Variants in TET1 observed in about 807,000 individuals in gnomAD.
TET1 encodes tet methylcytosine dioxygenase 1.
In TET1, 13 loss-of-function variants were observed where a neutral mutation model predicts 148.7. The observed-to-expected ratio is 0.09, with a 90% CI of 0.06 to 0.14. The LOEUF (loss-of-function observed/expected upper bound fraction) is 0.14, where lower values mean the gene tolerates loss of function less well. Ranked by LOEUF, TET1 falls within the 10% of genes least tolerant of loss-of-function variation. The pLI, the probability that TET1 is intolerant of heterozygous loss-of-function variation, is 1.00. For missense variants in TET1, 2,182 were observed against 2,553.8 expected, an observed-to-expected ratio of 0.85 and a Z score of 3.14; for synonymous variants, 907 against 937.2, an observed-to-expected ratio of 0.97 and a Z score of 0.59.
intron 3 of TET1, among the ~76,000 whole-genome samples, chr10:68,619,373 A>T (rs1339087428): frequency 6.6e-6 from 1 of 152,046 alleles, no homozygotes; most frequent in Non-Finnish European, 1.5e-5. Context: ...GGGAACACAC[A>T]TGCTCACCAC....
At chr10:68,615,743 C>G (rs1340012789) in intron 3 of TET1, among the ~76,000 whole-genome samples, 1 of 152,160 alleles carries the variant, frequency 6.6e-6, no homozygotes, top group African/African-American at 2.4e-5. Context: ...ACCGTAACCT[C>G]TGTCTCCCAG....
At chr10:68,624,099 C>CTTTCTTTTTTTTTTTT (rs1554937832) in intron 3 of TET1, among the ~76,000 whole-genome samples, 1 of 148,032 alleles carries the variant, frequency 6.8e-6, no homozygotes, top group African/African-American at 2.5e-5. Flanking sequence ...TTCTTTCTTT[C>CTTTCTTTTTTTTTTTT]TTTTCTTTTT....
intron 9 of TET1, among the ~76,000 whole-genome samples, chr10:68,681,822 C>G (rs2055437750): frequency 6.6e-6 from 1 of 151,830 alleles, no homozygotes. Flanking sequence ...CAAAAATTAG[C>G]TGGGTGTGGT....
At chr10:68,642,687 C>T (rs750404659) in intron 3 of TET1, among the ~76,000 whole-genome samples, 3 of 152,116 alleles carry the variant, frequency 2.0e-5, no homozygotes, top group Non-Finnish European at 2.9e-5. Context: ...TCACTGCAAC[C>T]TCTGCCTCCC....
At chr10:68,624,602 C>CTCTCTTTCTTTCTT (rs2054426665) in intron 3 of TET1, among the ~76,000 whole-genome samples, 2 of 113,952 alleles carry the variant, frequency 1.8e-5, no homozygotes, top group African/African-American at 6.6e-5. Flanking sequence ...TTTTCTTTTT[C>CTCTCTTTCTTTCTT]TCTTTCTTTC....
In TET1 at chr10:68,693,279, C is replaced by G. The variant is rs1023620791; in HGVS notation, c.*1465C>G. The G allele has an allele frequency of 4.3e-6, 1 of 232,714 alleles. No homozygotes were observed. The highest frequency in any genetic ancestry group is 8.5e-6 in the Non-Finnish European group (1 of 117,706). The allele number at this position is 232,714 out of a possible 1,614,324, so 14.4% of individuals were successfully genotyped here. On this transcript the variant is annotated 3_prime_UTR_variant, in exon 12 of 12. Coordinates refer to ENST00000373644, the MANE Select transcript of TET1 (RefSeq NM_030625.3). ...AACAAGGAGAATTTTCAATGAAATA[C>G]TTGATTCTGTTAAAATGCAGAGGTG...
intron 3 of TET1, among the ~76,000 whole-genome samples, chr10:68,624,414 C>T (rs1392845778): frequency 6.6e-6 from 1 of 152,072 alleles, no homozygotes; most frequent in Non-Finnish European, 1.5e-5. Context: ...CTCAGCCTTC[C>T]GAGTAGCTGG....
intron 3 of TET1, among the ~76,000 whole-genome samples, chr10:68,626,998 C>T (rs974827368): frequency 1.3e-5 from 2 of 152,264 alleles, no homozygotes; most frequent in East Asian, 1.9e-4. Context: ...CTTGGATGGG[C>T]GTATTGGCTC....
intron 3 of TET1, among the ~76,000 whole-genome samples, chr10:68,606,182 C>A (rs995372990): frequency 2.0e-5 from 3 of 152,070 alleles, no homozygotes; most frequent in Non-Finnish European, 2.9e-5. Context: ...CCCTGGCCAA[C>A]ATGGTGAAAC....
chr10:68,636,107 T>C (rs983585061), intron 3 of TET1, among the ~76,000 whole-genome samples: 2 of 152,138 alleles, frequency 1.3e-5, no homozygotes, highest in Non-Finnish European at 2.9e-5. Context: ...AGAATGACAG[T>C]TTGAGGCAGA....
At chr10:68,688,460 A>T in intron 11 of TET1, among the ~76,000 whole-genome samples, 1 of 127,952 alleles carries the variant, frequency 7.8e-6, no homozygotes, top group Non-Finnish European at 1.6e-5. Flanking sequence ...TTTGAGACAG[A>T]GTCTCGCTCT....
intron 2 of TET1, among the ~76,000 whole-genome samples, chr10:68,599,748 A>G (rs78490788): frequency 0.017 from 2,603 of 152,294 alleles, 78 homozygotes; most frequent in African/African-American, 0.059. Flanking sequence ...TGATCTTGGG[A>G]GACAGAAGAG....
chr10:68,685,522 G>A (rs1377243264), intron 10 of TET1, among the ~76,000 whole-genome samples: 2 of 152,026 alleles, frequency 1.3e-5, no homozygotes, highest in Non-Finnish European at 2.9e-5. Context: ...GGGAGGCCAA[G>A]GTGGGTAGAT....
intron 3 of TET1, among the ~76,000 whole-genome samples, chr10:68,627,134 G>C (rs571601560): frequency 6.6e-6 from 1 of 152,064 alleles, no homozygotes; most frequent in African/African-American, 2.4e-5. Flanking sequence ...TAGGCTGGGC[G>C]CAGTGGCTCA....
chr10:68,686,933 GC>G (rs2055520493), intron 11 of TET1, among the ~76,000 whole-genome samples: 1 of 151,330 alleles, frequency 6.6e-6, no homozygotes, highest in Non-Finnish European at 1.5e-5. Context: ...TGTCACCCAG[GC>G]TGGAGTGCAG....
At position 68,651,918 on chromosome 10, in the gene TET1, G is replaced by A. The variant is rs2054941099; in HGVS notation, c.4349G>A (p.Arg1450Lys). The change falls in exon 5 of 12, where the codon AGG (arginine) becomes AAG (lysine). Residue 1450 changes from arginine (R) to lysine (K), a missense_variant. Physicochemically the swap from Arg to Lys is conservative, Grantham distance 26 (BLOSUM62 2). Transcript: ENST00000373644. ...LGAGPSVAAV[R>K]EIMENRYGQK... The stretch of plus-strand genomic sequence containing the variant: ...GCAGGACCAAGTGTTGCTGCTGTCA[G>A]GGAAATCATGGAGAATAGGTGAGGA... The A allele has an allele frequency of 2.5e-6, 4 of 1,613,836 alleles. No homozygotes were observed. The highest frequency in any genetic ancestry group is 2.5e-6 in the Non-Finnish European group (3 of 1,179,874).
intron 2 of TET1, among the ~76,000 whole-genome samples, chr10:68,575,902 T>C (rs9299501): frequency 0.61 from 89,792 of 147,808 alleles, 27,038 homozygotes; most frequent in Middle Eastern, 0.7. Context: ...CGCCTGCAGT[T>C]CCAGCTGCTG....
At chr10:68,689,792 A>G (rs2055565650) in intron 11 of TET1, among the ~76,000 whole-genome samples, 1 of 146,934 alleles carries the variant, frequency 6.8e-6, no homozygotes, top group Non-Finnish European at 1.5e-5. Flanking sequence ...AAAAAAAAAG[A>G]ACTTCATAAC....
intron 3 of TET1, among the ~76,000 whole-genome samples, chr10:68,643,928 AG>A (rs2054800023): frequency 7.3e-6 from 1 of 137,192 alleles, no homozygotes; most frequent in African/African-American, 3.6e-5. Flanking sequence ...TTTTTGAGAC[AG>A]AGTCTCACTC....
Sources: allele counts gnomAD v4.1 joint callset (sites outside exome capture counted in the v4.1 genomes callset), GRCh38; gene constraint gnomAD v4.1.1; transcripts MANE v1.5; gene names NCBI Gene and HGNC (gene_info 2026-07-23, HGNC 2026-07-21).